EXOC4: variants seen among roughly 807,000 people sequenced by gnomAD.
EXOC4 encodes the protein exocyst complex component 4, also known as SEC8-like 1.
In EXOC4, 71 loss-of-function variants were observed where a neutral mutation model predicts 107.2. The ratio of observed to expected loss-of-function variants is 0.66; its 90% confidence interval spans 0.55 to 0.81. EXOC4 has a LOEUF of 0.81. EXOC4 is among the 30% of genes least tolerant of loss of function. The pLI, the probability that EXOC4 is intolerant of heterozygous loss-of-function variation, is 0.00. For synonymous variants in EXOC4, 456 were observed against 441.2 expected (o/e 1.03, Z -0.42); for missense variants, 1,108 against 1,189.6 (o/e 0.93, Z 1.01).
chr7:133,867,724 C>T (rs951256924), intron 11 of EXOC4, among the ~76,000 whole-genome samples: 5 of 152,164 alleles, frequency 3.3e-5, no homozygotes, highest in African/African-American at 1.2e-4. Context: ...AGTGGAAAAC[C>T]CTAATCAGTT....
chr7:133,469,775 T>A (rs769016103), intron 7 of EXOC4, among the ~76,000 whole-genome samples: 1 of 152,246 alleles, frequency 6.6e-6, no homozygotes, highest in Non-Finnish European at 1.5e-5. Flanking sequence ...CAAGTCTGTC[T>A]CCTCTGGGTT....
At chr7:134,054,994 T>G (rs36101448) in intron 17 of EXOC4, among the ~76,000 whole-genome samples, 23,690 of 152,224 alleles carry the variant, frequency 0.16, 2,043 homozygotes, top group Middle Eastern at 0.24. Context: ...TTTGGTTTAT[T>G]TAGGTTTTCT....
intron 7 of EXOC4, among the ~76,000 whole-genome samples, chr7:133,378,266 C>T (rs1039367434): frequency 2.7e-5 from 4 of 148,368 alleles, no homozygotes; most frequent in Non-Finnish European, 4.4e-5. Flanking sequence ...GCTGCGATCG[C>T]GCCACTGCAC....
At chr7:134,092,852 G>T in the EXOC4 span, among the ~76,000 whole-genome samples, 1 of 150,182 alleles carries the variant, frequency 6.7e-6, no homozygotes, top group Non-Finnish European at 1.5e-5. Context: ...GAACCCAGGA[G>T]GCAGACATTG....
intron 17 of EXOC4, among the ~76,000 whole-genome samples, chr7:134,043,587 T>C (rs1470611326): frequency 6.6e-6 from 1 of 151,718 alleles, no homozygotes. Flanking sequence ...GCCACCTGGT[T>C]TGGTGCATTC....
rs551306385 is a variant in EXOC4, at chr7:133,493,758, C to T, written c.1417+13620C>T. 2.6e-5 allele frequency among the ~76,000 whole-genome samples: 4 copies of T among 152,086 alleles called. No individual in the cohort carries two copies. In the South Asian group the frequency reaches 8.3e-4, roughly 32 times the overall value. ...GTCCCAATCTTGTAATGTTAAGTGA[C>T]ATCCATTTTGAGAATGTAGTTGTGA... On this transcript the variant is annotated intron_variant, in intron 9 of 17. Coordinates refer to ENST00000253861, the MANE Select transcript of EXOC4 (RefSeq NM_021807.4).
At chr7:133,861,057 A>G (rs1798523711) in intron 11 of EXOC4, among the ~76,000 whole-genome samples, 1 of 152,190 alleles carries the variant, frequency 6.6e-6, no homozygotes, top group Non-Finnish European at 1.5e-5. Flanking sequence ...CTCCTTAACA[A>G]AACAACCTCA....
At chr7:133,311,796 A>T (rs1033615368) in intron 4 of EXOC4, among the ~76,000 whole-genome samples, 1 of 152,222 alleles carries the variant, frequency 6.6e-6, no homozygotes, top group Non-Finnish European at 1.5e-5. Context: ...AAAGCGGGAT[A>T]TAGACTGTTC....
intron 13 of EXOC4, among the ~76,000 whole-genome samples, chr7:133,920,851 C>A (rs1799921831): frequency 6.6e-6 from 1 of 152,174 alleles, no homozygotes; most frequent in African/African-American, 2.4e-5. Flanking sequence ...CTACTGGCAG[C>A]AAATTCCTTC....
At chr7:133,581,970 C>T (rs1325335055) in intron 9 of EXOC4, among the ~76,000 whole-genome samples, 1 of 152,044 alleles carries the variant, frequency 6.6e-6, no homozygotes, top group Non-Finnish European at 1.5e-5. Context: ...ACCATCAGGT[C>T]TCGTGAGAAC....
intron 10 of EXOC4, among the ~76,000 whole-genome samples, chr7:133,718,490 A>C (rs754275566): frequency 3.2e-4 from 48 of 152,200 alleles, no homozygotes; most frequent in South Asian, 1.2e-3. Context: ...TCACCTACCC[A>C]AGCCAGCCCA....
At chr7:134,010,544 A>G (rs1794739483) in intron 17 of EXOC4, among the ~76,000 whole-genome samples, 2 of 152,150 alleles carry the variant, frequency 1.3e-5, no homozygotes, top group Admixed American at 6.5e-5. Flanking sequence ...GGCTCCATCA[A>G]TTCTACCATA....
chr7:134,079,490 A>G, the EXOC4 span, among the ~76,000 whole-genome samples: 1 of 152,022 alleles, frequency 6.6e-6, no homozygotes, highest in Non-Finnish European at 1.5e-5. Context: ...TTCAGCATTC[A>G]TTTCTTACCC....
At chr7:133,909,352 T>A (rs1799637640) in intron 12 of EXOC4, among the ~76,000 whole-genome samples, 1 of 152,130 alleles carries the variant, frequency 6.6e-6, no homozygotes, top group East Asian at 1.9e-4. Context: ...ATAAGGATGA[T>A]GTGATTAAAC....
chr7:133,773,347 A>G (rs765739245), intron 10 of EXOC4, among the ~76,000 whole-genome samples: 1 of 152,004 alleles, frequency 6.6e-6, no homozygotes, highest in Non-Finnish European at 1.5e-5. Flanking sequence ...ATGTTTTAAA[A>G]GTACAGATTC....
At chr7:133,993,282 G>T (rs940117484) in intron 14 of EXOC4, among the ~76,000 whole-genome samples, 1 of 152,144 alleles carries the variant, frequency 6.6e-6, no homozygotes, top group Non-Finnish European at 1.5e-5. Context: ...CCTGTCAAAT[G>T]ATGAGTTGTA....
At chr7:133,697,897 T>C (rs1794571320) in intron 10 of EXOC4, among the ~76,000 whole-genome samples, 3 of 152,124 alleles carry the variant, frequency 2.0e-5, no homozygotes, top group Admixed American at 2.0e-4. Context: ...TCTAATTGGA[T>C]TCTACAAAAG....
chr7:133,265,368 T>A (rs892227515), intron 1 of EXOC4, among the ~76,000 whole-genome samples: 4 of 151,810 alleles, frequency 2.6e-5, no homozygotes, highest in African/African-American at 9.7e-5. Flanking sequence ...ATCGCGCCAC[T>A]GCACTCCAGC....
chr7:133,351,701 A>G (rs544771358), intron 5 of EXOC4, among the ~76,000 whole-genome samples: 1 of 151,774 alleles, frequency 6.6e-6, no homozygotes, highest in African/African-American at 2.4e-5. Context: ...TAATCTTTAT[A>G]TTTACTTTTT....
Sources: allele counts gnomAD v4.1 joint callset (sites outside exome capture counted in the v4.1 genomes callset), GRCh38; gene constraint gnomAD v4.1.1; transcripts MANE v1.5; gene names NCBI Gene and HGNC (gene_info 2026-07-23, HGNC 2026-07-21).